The following CNTNAP2 variants were observed in gnomAD, a reference collection of about 807,000 sequenced individuals.
CNTNAP2 encodes the protein contactin-associated protein-like 2.
In CNTNAP2, 98 loss-of-function variants were observed where a neutral mutation model predicts 155.2. The observed-to-expected ratio is 0.63, with a 90% CI of 0.54 to 0.75. The LOEUF (loss-of-function observed/expected upper bound fraction) is 0.75. Among genes scored for constraint, CNTNAP2 ranks in the 30% least tolerant of loss-of-function variants. CNTNAP2 has a pLI of 0.00. For synonymous variants in CNTNAP2, 651 were observed against 631.2 expected (o/e 1.03, Z -0.47); for missense variants, 1,727 against 1,688.1 (o/e 1.02, Z -0.40).
chr7:146,971,653 G>C (rs1223285770), intron 3 of CNTNAP2, among the ~76,000 whole-genome samples: 1 of 152,068 alleles, frequency 6.6e-6, no homozygotes, highest in Non-Finnish European at 1.5e-5. Context: ...TTTCTGTGCA[G>C]ATTGCCAACT....
Position 148,353,571 on chromosome 7 carries a change from TA to T in CNTNAP2, c.3476-30073del, listed in dbSNP as rs1798464505. 2.0e-5 allele frequency among the ~76,000 whole-genome samples: 3 copies of T among 152,354 alleles called. No individual in the cohort carries two copies. In the South Asian group the frequency reaches 6.2e-4, roughly 32 times the overall value. On this transcript the variant is annotated intron_variant, in intron 21 of 23. Transcript: ENST00000361727. ...TTTCTTATACAAGTGACAGTAATACTAAAAATCTCAGAATTATTATCAAGAG... is the reference window on the plus strand; with the variant it reads ...TTTCTTATACAAGTGACAGTAATACTAAAATCTCAGAATTATTATCAAGAG...
At chr7:146,762,901 A>G (rs78924334) in intron 1 of CNTNAP2, among the ~76,000 whole-genome samples, 11,165 of 152,170 alleles carry the variant, frequency 0.073, 481 homozygotes, top group Middle Eastern at 0.13. Flanking sequence ...CCATGATTCA[A>G]TTACCTCCAA....
rs147795147 is a variant in CNTNAP2, at chr7:146,745,527, G to A, written c.98-28744G>A. Among the ~76,000 whole-genome samples, 278 of 152,198 alleles carry A rather than the reference G, an allele frequency of 1.8e-3. 1 individual carries two copies. The highest frequency in any genetic ancestry group is 0.017 in the Middle Eastern group (5 of 294). ...CTGGGCGCGGTAATCCCAGCACTTT[G>A]GGAGGCCAAGGTGGGTGTATCAGGA... On this transcript the variant is annotated intron_variant, in intron 1 of 23. Transcript: ENST00000361727.
At chr7:147,238,881 T>C (rs1438947494) in intron 8 of CNTNAP2, among the ~76,000 whole-genome samples, 1 of 152,204 alleles carries the variant, frequency 6.6e-6, no homozygotes, top group East Asian at 1.9e-4. Flanking sequence ...TTCTAGAAGA[T>C]TTGATTCAAA....
At chr7:147,993,218 C>G (rs1466310847) in intron 15 of CNTNAP2, among the ~76,000 whole-genome samples, 1 of 152,124 alleles carries the variant, frequency 6.6e-6, no homozygotes, top group Non-Finnish European at 1.5e-5. Context: ...AAGGCAAAAA[C>G]CAACACTTTG....
intron 15 of CNTNAP2, among the ~76,000 whole-genome samples, chr7:148,061,997 A>AGATT (rs1220778196): frequency 8.7e-6 from 1 of 115,204 alleles, no homozygotes. Flanking sequence ...ATAGATAGAT[A>AGATT]GATAGATAGA....
intron 1 of CNTNAP2, among the ~76,000 whole-genome samples, chr7:146,557,838 C>G (rs1205794307): frequency 6.6e-6 from 1 of 152,054 alleles, no homozygotes; most frequent in Non-Finnish European, 1.5e-5. Flanking sequence ...TTTTTGATAT[C>G]CTTTGGTAGC....
At position 148,366,254 on chromosome 7, in the gene CNTNAP2, ATG is replaced by A. The variant is rs777004628; in HGVS notation, c.3476-17389_3476-17388del. ...GGTGTATATGTGTATGCATGTATAT[ATG>A]TGTGTATATGTGTACATGTATATAT... On this transcript the variant is annotated intron_variant, in intron 21 of 23. Coordinates refer to ENST00000361727, the MANE Select transcript of CNTNAP2 (RefSeq NM_014141.6). 3.7e-3 allele frequency among the ~76,000 whole-genome samples: 471 copies of A among 126,830 alleles called. 32 individuals carry two copies. Among genetic ancestry groups the A allele is most frequent in the South Asian group, 0.013 (45 of 3,552 alleles). 83.2% of individuals were successfully genotyped at this position (126,830 alleles called of 152,430 possible). A position where few individuals can be genotyped will look rare whatever the true frequency, so the allele number is the denominator to read the frequency against.
chr7:147,917,984 C>T (rs1395651303), intron 14 of CNTNAP2, among the ~76,000 whole-genome samples: 2 of 152,228 alleles, frequency 1.3e-5, no homozygotes, highest in African/African-American at 2.4e-5. Flanking sequence ...ACATCATCTA[C>T]TTCTGCAGAA....
chr7:147,320,147 G>A (rs953859407), intron 9 of CNTNAP2, among the ~76,000 whole-genome samples: 1 of 152,066 alleles, frequency 6.6e-6, no homozygotes, highest in African/African-American at 2.4e-5. Context: ...CTCACTCTTG[G>A]TCAAGATGTC....
intron 13 of CNTNAP2, among the ~76,000 whole-genome samples, chr7:147,736,783 C>T (rs986588265): frequency 2.0e-5 from 3 of 152,172 alleles, no homozygotes; most frequent in Non-Finnish European, 4.4e-5. Flanking sequence ...GATCTTCAGT[C>T]ACTGATACCC....
intron 14 of CNTNAP2, 151 bp from the exon 15 acceptor site, chr7:147,977,711 G>C (rs1801454396): frequency 1.8e-6 from 2 of 1,085,004 alleles, no homozygotes; most frequent in South Asian, 2.8e-5. Context: ...ACCTATGGAA[G>C]AGAGAGAACA....
intron 2 of CNTNAP2, among the ~76,000 whole-genome samples, chr7:146,790,203 T>C (rs866288730): frequency 4.6e-5 from 7 of 152,180 alleles, no homozygotes; most frequent in Non-Finnish European, 1.0e-4. Flanking sequence ...TACCATTATC[T>C]ACCTTCTCTA....
chr7:148,312,681 G>A (rs1563037359), intron 21 of CNTNAP2, among the ~76,000 whole-genome samples: 1 of 152,154 alleles, frequency 6.6e-6, no homozygotes, highest in African/African-American at 2.4e-5. Flanking sequence ...TCTGGTTTTA[G>A]GACAGGTAAA....
intron 9 of CNTNAP2, among the ~76,000 whole-genome samples, chr7:147,360,197 C>T (rs1038204625): frequency 1.1e-4 from 17 of 152,240 alleles, no homozygotes; most frequent in African/African-American, 4.1e-4. Context: ...TATTCAGTTA[C>T]TGTTTTCATA....
chr7:146,802,010 G>GA lies in CNTNAP2; in HGVS notation c.208+27636dup, dbSNP rs528394971. Among the ~76,000 whole-genome samples, 1,130 of 152,226 alleles carry GA rather than the reference G, an allele frequency of 7.4e-3. 7 individuals are homozygous for GA. Among genetic ancestry groups the GA allele is most frequent in the Non-Finnish European group, 0.011 (724 of 68,004 alleles). ...GATGGAAAACACATTCTGGAATTTA[G>GA]AAAAAAATTTAGATAGAATTGTTGT... On this transcript the variant is annotated intron_variant, in intron 2 of 23. Transcript: ENST00000361727.
chr7:147,928,129 A>G (rs865797523), intron 14 of CNTNAP2, among the ~76,000 whole-genome samples: 12 of 152,258 alleles, frequency 7.9e-5, no homozygotes, highest in African/African-American at 2.6e-4. Context: ...GCCTGCCACC[A>G]TGTAAGATGT....
chr7:146,709,826 G>A (rs886337149), intron 1 of CNTNAP2, among the ~76,000 whole-genome samples: 5 of 152,116 alleles, frequency 3.3e-5, no homozygotes, highest in African/African-American at 9.7e-5. Flanking sequence ...AAGGGCGGCC[G>A]GAGGGAAAAA....
chr7:148,154,373 A>G (rs1377768194), intron 17 of CNTNAP2, among the ~76,000 whole-genome samples: 1 of 152,216 alleles, frequency 6.6e-6, no homozygotes, highest in Non-Finnish European at 1.5e-5. Context: ...AAGCAACTAC[A>G]GACTGAAATG....
Sources: allele counts gnomAD v4.1 joint callset (sites outside exome capture counted in the v4.1 genomes callset), GRCh38; gene constraint gnomAD v4.1.1; transcripts MANE v1.5; gene names NCBI Gene and HGNC (gene_info 2026-07-23, HGNC 2026-07-21).